Variants in BLNK observed in about 807,000 individuals in gnomAD.
BLNK encodes B-cell linker protein.
BLNK carries 29 observed loss-of-function variants against 73.5 expected under a neutral mutation model. The observed-to-expected ratio is 0.39, with a 90% confidence interval of 0.29 to 0.54. BLNK has a LOEUF of 0.54. BLNK is among the 20% of genes least tolerant of loss of function. The pLI, the probability that BLNK is intolerant of heterozygous loss-of-function variation, is 0.61. For synonymous variants in BLNK, 176 were observed against 200.8 expected (o/e 0.88, Z 1.04); for missense variants, 460 against 562.8 (o/e 0.82, Z 1.85).
At chr10:96,192,149 C>T (rs1554893613) in intron 16 of BLNK, 57 bp from the exon 17 acceptor site, 2 of 1,600,000 alleles carry the variant, frequency 1.3e-6, no homozygotes, top group Non-Finnish European at 1.7e-6. Context: ...AATTTGAGCT[C>T]CACTCCTCCC....
chr10:96,223,707 A>T, intron 6 of BLNK, 119 bp downstream of exon 6: 2 of 1,226,600 alleles, frequency 1.6e-6, no homozygotes, highest in Admixed American at 1.8e-5. Flanking sequence ...GTGGAGAGTT[A>T]GAGGGGGCAG....
intron 2 of BLNK, 87 bp from the exon 3 acceptor site, chr10:96,242,871 G>A: frequency 9.3e-7 from 1 of 1,079,110 alleles, no homozygotes; most frequent in South Asian, 1.2e-5. Flanking sequence ...AGACAGAATA[G>A]ATAGACAACT....
At chr10:96,222,380 C>A (rs2084218068) in intron 6 of BLNK, among the ~76,000 whole-genome samples, 1 of 152,228 alleles carries the variant, frequency 6.6e-6, no homozygotes, top group Non-Finnish European at 1.5e-5. Flanking sequence ...CAAGTTATTT[C>A]TTAGAGAAGC....
chr10:96,246,870 C>T (rs782736804), intron 2 of BLNK, 114 bp downstream of exon 2: 20 of 738,332 alleles, frequency 2.7e-5, no homozygotes, highest in African/African-American at 3.6e-5. Context: ...AGAAGGGTTA[C>T]GTGCTAAAGA....
At chr10:96,270,936 T>C (rs1844244373) in intron 1 of BLNK, among the ~76,000 whole-genome samples, 1 of 152,204 alleles carries the variant, frequency 6.6e-6, no homozygotes, top group Admixed American at 6.5e-5. Flanking sequence ...TAACAAATGA[T>C]TACAGCTATC....
At chr10:96,201,972 G>C (rs1487034260) in intron 13 of BLNK, among the ~76,000 whole-genome samples, 2 of 152,172 alleles carry the variant, frequency 1.3e-5, no homozygotes, top group Non-Finnish European at 2.9e-5. Flanking sequence ...ATGTGGGTGA[G>C]ATCTGCAGGT....
chr10:96,260,659 G>A (rs1352865194), intron 1 of BLNK, among the ~76,000 whole-genome samples: 1 of 152,042 alleles, frequency 6.6e-6, no homozygotes, highest in African/African-American at 2.4e-5. Context: ...TGATTTTGAG[G>A]GATGGCATTC....
At position 96,223,843 on chromosome 10, in the gene BLNK, CTTTGGG is replaced by C; in HGVS notation, c.502_507del (p.Pro168_Lys169del). 2 of 1,613,830 alleles carry C rather than the reference CTTTGGG, an allele frequency of 1.2e-6. No homozygotes were observed. The highest frequency in any genetic ancestry group is 1.7e-6 in the Non-Finnish European group (2 of 1,179,998). On this transcript the variant is annotated inframe_deletion, in exon 6 of 17. Transcript: ENST00000224337. ...TACTTTACCTCATCCTCAAGGAGGC[CTTTGGG>C]TTTGGGTGGGACTTGAGGTTTCTGC... is the stretch of plus-strand genomic sequence containing the variant.
rs528511728 is a variant in BLNK at position 96,259,165 on chromosome 10, A to T, written c.48-12116T>A. On this transcript the variant is annotated intron_variant, in intron 1 of 16. Coordinates refer to ENST00000224337, the MANE Select transcript of BLNK (RefSeq NM_013314.4). ...TTCAGCACCTACGTTGCCTCTTTGG[A>T]TACCTTCCTCTCTGTCCCTGGAGAC... Among the ~76,000 whole-genome samples, 3 of 152,254 alleles carry T rather than the reference A, an allele frequency of 2.0e-5. No homozygotes were observed. In the South Asian group the frequency reaches 6.2e-4, roughly 32 times the overall value.
chr10:96,217,433 G>A (rs2084093777), intron 6 of BLNK, among the ~76,000 whole-genome samples: 1 of 152,192 alleles, frequency 6.6e-6, no homozygotes, highest in Non-Finnish European at 1.5e-5. Flanking sequence ...TGCCAGCAAT[G>A]TATGAGGGCT....
chr10:96,230,063 G>C (rs587621443), intron 4 of BLNK, among the ~76,000 whole-genome samples: 1 of 152,304 alleles, frequency 6.6e-6, no homozygotes, highest in African/African-American at 2.4e-5. Context: ...TCACAGGTTG[G>C]AGCAGGCTAA....
chr10:96,215,244 G>T, intron 8 of BLNK, 77 bp downstream of exon 8: 2 of 1,428,928 alleles, frequency 1.4e-6, no homozygotes, highest in Non-Finnish European at 2.0e-6. Flanking sequence ...AAATACAAGT[G>T]ATTACTCTTC....
At chr10:96,228,452 T>G (rs1215324353) in intron 4 of BLNK, among the ~76,000 whole-genome samples, 1 of 152,200 alleles carries the variant, frequency 6.6e-6, no homozygotes, top group African/African-American at 2.4e-5. Context: ...AGCTGGGGTT[T>G]CACCATGTTG....
intron 3 of BLNK, among the ~76,000 whole-genome samples, chr10:96,231,516 C>A (rs112888394): frequency 3.3e-5 from 5 of 151,988 alleles, no homozygotes; most frequent in South Asian, 2.1e-4. Context: ...TGCTTGAGCC[C>A]AGGAGTTCAA....
At chr10:96,212,023 T>TGTCA (rs1251426127) in intron 8 of BLNK, among the ~76,000 whole-genome samples, 1 of 152,232 alleles carries the variant, frequency 6.6e-6, no homozygotes, top group Non-Finnish European at 1.5e-5. Context: ...ATATTATCTT[T>TGTCA]GTCAGACCTT....
chr10:96,204,264 C>T (rs2083737393), intron 12 of BLNK, 176 bp from the exon 13 acceptor site: 1 of 780,268 alleles, frequency 1.3e-6, no homozygotes, highest in Non-Finnish European at 2.1e-6. Flanking sequence ...AAGTAAGACT[C>T]TTCCTTTTAG....
intron 3 of BLNK, among the ~76,000 whole-genome samples, chr10:96,241,144 A>G (rs1267797654): frequency 1.3e-5 from 2 of 152,210 alleles, no homozygotes; most frequent in Non-Finnish European, 2.9e-5. Flanking sequence ...TCTCAGTGTG[A>G]TAAGATTCCC....
chr10:96,256,926 T>C (rs1387024957), intron 1 of BLNK, among the ~76,000 whole-genome samples: 2 of 151,324 alleles, frequency 1.3e-5, no homozygotes, highest in Non-Finnish European at 1.5e-5. Context: ...CAAATGGAAT[T>C]TATAAGCTGG....
At chr10:96,239,164 T>C in intron 3 of BLNK, 1 of 398,654 alleles carries the variant, frequency 2.5e-6, no homozygotes. Context: ...GGAGCAGGTG[T>C]CTGAGGACAA....
Sources: gnomAD v4.1 joint callset for allele counts (sites outside exome capture counted in the v4.1 genomes callset) on GRCh38, gnomAD v4.1.1 for gene constraint, MANE v1.5 for transcripts, NCBI Gene and HGNC (gene_info 2026-07-23, HGNC 2026-07-21) for gene names.